The following SIPA1L2 variants were observed in gnomAD, a reference collection of about 807,000 sequenced individuals.
SIPA1L2 encodes the protein signal-induced proliferation-associated 1-like protein 2.
In SIPA1L2, 56 loss-of-function variants were observed where a neutral mutation model predicts 163.9. That is an observed-to-expected ratio of 0.34 (90% confidence interval 0.28 to 0.43). The LOEUF (loss-of-function observed/expected upper bound fraction) is 0.43. SIPA1L2 is among the 20% of genes least tolerant of loss of function. SIPA1L2 has a pLI of 1.00. For missense variants in SIPA1L2, 1,974 were observed against 2,193.5 expected (o/e 0.90, Z 2.00); for synonymous variants, 877 against 865.7 (o/e 1.01, Z -0.23).
chr1:232,587,068 A>G (rs1009850358), intron 1 of SIPA1L2, among the ~76,000 whole-genome samples: 20 of 152,210 alleles, frequency 1.3e-4, no homozygotes, highest in Non-Finnish European at 2.8e-4. Flanking sequence ...TCACAACTTT[A>G]TTACTTTTAT....
intron 1 of SIPA1L2, among the ~76,000 whole-genome samples, chr1:232,576,094 T>C (rs1660062749): frequency 1.3e-5 from 2 of 152,136 alleles, no homozygotes; most frequent in East Asian, 1.9e-4. Flanking sequence ...ATGGTGATGG[T>C]TGCACAACAG....
At chr1:232,617,520 C>T (rs542848251) in intron 1 of SIPA1L2, among the ~76,000 whole-genome samples, 1 of 152,150 alleles carries the variant, frequency 6.6e-6, no homozygotes, top group East Asian at 1.9e-4. Flanking sequence ...ATAAAGTATA[C>T]AACAAAGTAA....
In SIPA1L2 at chr1:232,617,756, T is replaced by TA. The variant is rs1449852213; in HGVS notation, c.-319+12112dup. On this transcript the variant is annotated intron_variant, in intron 1 of 22. Coordinates refer to ENST00000674635, the MANE Select transcript of SIPA1L2 (RefSeq NM_020808.5). Reference sequence around the variant, plus strand: ...GTGGGAGAAACATTTCACATCCTAATAGAAGTATGGGCCATATGGGTGTAT... The same window carrying TA: ...GTGGGAGAAACATTTCACATCCTAATAAGAAGTATGGGCCATATGGGTGTAT... Among the ~76,000 whole-genome samples the TA allele has an allele frequency of 4.6e-5, 7 of 152,268 alleles. No individual in the cohort carries two copies. In the East Asian group the frequency reaches 1.4e-3, roughly 29 times the overall value.
chr1:232,597,562 C>T (rs1293990179), intron 1 of SIPA1L2, among the ~76,000 whole-genome samples: 12 of 150,030 alleles, frequency 8.0e-5, no homozygotes, highest in African/African-American at 2.5e-4. Context: ...TGATGGCGGG[C>T]GTCTGTAGTC....
At chr1:232,506,609 A>G (rs957152280) in intron 3 of SIPA1L2, among the ~76,000 whole-genome samples, 5 of 152,226 alleles carry the variant, frequency 3.3e-5, no homozygotes, top group African/African-American at 1.2e-4. Flanking sequence ...AGAAGAATCA[A>G]TTTGTTCATT....
At chr1:232,571,819 C>T (rs1659747109) in intron 2 of SIPA1L2, among the ~76,000 whole-genome samples, 1 of 152,230 alleles carries the variant, frequency 6.6e-6, no homozygotes, top group East Asian at 1.9e-4. Flanking sequence ...TCCGCTTCAA[C>T]TTCTACCTAA....
At chr1:232,511,681 T>C (rs59209980) in intron 3 of SIPA1L2, among the ~76,000 whole-genome samples, 2,550 of 141,948 alleles carry the variant, frequency 0.018, 81 homozygotes, top group African/African-American at 0.062. Flanking sequence ...CCCAACCCAC[T>C]CCAATAAAAC....
chr1:232,599,988 C>T (rs1661508968), intron 1 of SIPA1L2, among the ~76,000 whole-genome samples: 1 of 152,262 alleles, frequency 6.6e-6, no homozygotes, highest in Non-Finnish European at 1.5e-5. Context: ...GAAGTAAAGA[C>T]TTGGGCTCTG....
intron 2 of SIPA1L2, among the ~76,000 whole-genome samples, chr1:232,531,523 C>T (rs890550402): frequency 6.6e-6 from 1 of 152,194 alleles, no homozygotes; most frequent in Admixed American, 6.5e-5. Context: ...GTATACGTGA[C>T]TACTACCTTC....
intron 7 of SIPA1L2, among the ~76,000 whole-genome samples, chr1:232,475,534 A>G (rs1026233932): frequency 6.6e-6 from 1 of 152,252 alleles, no homozygotes; most frequent in Non-Finnish European, 1.5e-5. Flanking sequence ...ATTCTAAATA[A>G]TAACTAAGGA....
At chr1:232,529,367 A>C (rs1379690732) in intron 2 of SIPA1L2, among the ~76,000 whole-genome samples, 3 of 152,190 alleles carry the variant, frequency 2.0e-5, no homozygotes, top group Admixed American at 6.5e-5. Context: ...GTGTTCCTTT[A>C]CTATGTAACG....
At chr1:232,595,333 G>A (rs947287705) in intron 1 of SIPA1L2, among the ~76,000 whole-genome samples, 1 of 144,008 alleles carries the variant, frequency 6.9e-6, no homozygotes, top group African/African-American at 3.0e-5. Flanking sequence ...TAAACTGGTT[G>A]AAATAAAATT....
In SIPA1L2 at chr1:232,403,570, G is replaced by T; in HGVS notation, c.4818C>A (p.Asp1606Glu). The T allele has an allele frequency of 1.2e-6, 2 of 1,611,970 alleles. No individual in the cohort carries two copies. The highest frequency in any genetic ancestry group is 1.7e-6 in the Non-Finnish European group (2 of 1,179,016). ...GLLCHHTSYL[D>E]QRVASFCTLT... ...GGGTGCAGAAGGATGCCACCCTCTG[G>T]TCTGGGGAGGGGAGAAACACACACA... Residue 1606 changes from aspartate to glutamate, a missense_variant and splice_region_variant, in exon 21 of 23, where the codon GAC becomes GAA. Transcript: ENST00000674635.
intron 22 of SIPA1L2, among the ~76,000 whole-genome samples, 194 bp from the exon 23 acceptor site, chr1:232,399,467 C>A (rs1660201741): frequency 1.3e-5 from 2 of 152,088 alleles, no homozygotes; most frequent in South Asian, 4.2e-4. Flanking sequence ...AATGAACACT[C>A]CACACACCCT....
At chr1:232,603,674 G>C (rs1370696403) in intron 1 of SIPA1L2, among the ~76,000 whole-genome samples, 1 of 152,020 alleles carries the variant, frequency 6.6e-6, no homozygotes, top group Non-Finnish European at 1.5e-5. Flanking sequence ...GGGAGAGCTG[G>C]GGGATGGTTA....
In SIPA1L2 at chr1:232,591,436, G is replaced by T. The variant is rs944394458; in HGVS notation, c.-318-17214C>A. Reference sequence around the variant, plus strand: ...CTACACCAAACCCAGCTCCTCCCTGGGTCTGCCGAGGATGGGCAGTGGAGC... The same window carrying T: ...CTACACCAAACCCAGCTCCTCCCTGTGTCTGCCGAGGATGGGCAGTGGAGC... On this transcript the variant is annotated intron_variant, in intron 1 of 22. Coordinates refer to ENST00000674635, the MANE Select transcript of SIPA1L2 (RefSeq NM_020808.5). 7.9e-5 allele frequency among the ~76,000 whole-genome samples: 12 copies of T among 152,338 alleles called. 1 individual carries two copies. Among genetic ancestry groups the T allele is most frequent in the Admixed American group, 7.8e-4 (12 of 15,312 alleles).
chr1:232,456,891 A>G (rs1663950783), intron 10 of SIPA1L2, among the ~76,000 whole-genome samples: 2 of 152,100 alleles, frequency 1.3e-5, no homozygotes, highest in South Asian at 4.1e-4. Context: ...CTCATTCCCA[A>G]TGTATATGAA....
intron 1 of SIPA1L2, among the ~76,000 whole-genome samples, chr1:232,625,126 A>G (rs1217253170): frequency 6.6e-6 from 1 of 152,148 alleles, no homozygotes; most frequent in Non-Finnish European, 1.5e-5. Context: ...AGGAGGTTTG[A>G]CACACTCTTT....
At chr1:232,440,018 T>TA in intron 14 of SIPA1L2, among the ~76,000 whole-genome samples, 1 of 152,158 alleles carries the variant, frequency 6.6e-6, no homozygotes, top group East Asian at 1.9e-4. Context: ...AATGAGATAA[T>TA]ATATGCAGAA....
Sources: allele counts gnomAD v4.1 joint callset (sites outside exome capture counted in the v4.1 genomes callset), GRCh38; gene constraint gnomAD v4.1.1; transcripts MANE v1.5; gene names NCBI Gene and HGNC (gene_info 2026-07-23, HGNC 2026-07-21).